The following STXBP5 variants were observed in gnomAD, a reference collection of about 807,000 sequenced individuals.
STXBP5 encodes the protein syntaxin-binding protein 5.
In STXBP5, 50 loss-of-function variants were observed where a neutral mutation model predicts 152.4. The ratio of observed to expected loss-of-function variants is 0.33; its 90% CI spans 0.26 to 0.42. The LOEUF (loss-of-function observed/expected upper bound fraction) is 0.42, where lower values mean the gene tolerates loss of function less well. Among genes scored for constraint, STXBP5 ranks in the 10% least tolerant of loss-of-function variants. STXBP5 has a pLI of 1.00. For missense variants in STXBP5, 1,167 were observed against 1,388.6 expected (o/e 0.84, Z 2.54); for synonymous variants, 492 against 494.7 (o/e 0.99, Z 0.07).
chr6:147,238,010 A>G (rs1161158608), intron 3 of STXBP5, among the ~76,000 whole-genome samples: 1 of 152,236 alleles, frequency 6.6e-6, no homozygotes, highest in Non-Finnish European at 1.5e-5. Context: ...TTTATTCACA[A>G]TTATCACATT....
intron 9 of STXBP5, among the ~76,000 whole-genome samples, chr6:147,295,441 A>G (rs1185342957): frequency 6.6e-6 from 1 of 152,190 alleles, no homozygotes; most frequent in Non-Finnish European, 1.5e-5. Context: ...GGTGTTAATC[A>G]CCATCCCCCC....
At chr6:147,323,389 A>G (rs1783038364) in intron 16 of STXBP5, among the ~76,000 whole-genome samples, 1 of 150,952 alleles carries the variant, frequency 6.6e-6, no homozygotes, top group Admixed American at 6.6e-5. Flanking sequence ...TTGGCCTTTA[A>G]TTCTTCTTTT....
Position 147,387,549 on chromosome 6 carries a change from T to C in STXBP5, c.*2794T>C, listed in dbSNP as rs1419708896. ...GCTGAGAAAGTTATTTGAAATCTTA[T>C]ATTCTGACAAATTCTGTACATTACA... On this transcript the variant is annotated 3_prime_UTR_variant, in exon 28 of 28. Coordinates refer to ENST00000321680, the MANE Select transcript of STXBP5 (RefSeq NM_001127715.4). 6.6e-6 allele frequency: 1 copy of C among 151,840 alleles called. No individual in the cohort carries two copies. The highest frequency in any genetic ancestry group is 1.5e-5 in the Non-Finnish European group (1 of 67,774). 9.4% of individuals were successfully genotyped at this position (151,840 alleles called of 1,614,324 possible).
chr6:147,358,563 G>A (rs774657491), intron 22 of STXBP5, among the ~76,000 whole-genome samples: 5 of 152,004 alleles, frequency 3.3e-5, no homozygotes, highest in Non-Finnish European at 5.9e-5. Context: ...AGGTGTTAAG[G>A]ACAGCAACTC....
intron 9 of STXBP5, among the ~76,000 whole-genome samples, chr6:147,309,407 G>A (rs1782255525): frequency 6.6e-6 from 1 of 152,020 alleles, no homozygotes; most frequent in Non-Finnish European, 1.5e-5. Flanking sequence ...GAAAAAATAA[G>A]CATATATTAA....
At chr6:147,323,888 A>T (rs149093430) in intron 16 of STXBP5, among the ~76,000 whole-genome samples, 12 of 152,242 alleles carry the variant, frequency 7.9e-5, no homozygotes, top group East Asian at 7.8e-4. Flanking sequence ...TTCTACCAAC[A>T]TCAAACCTTT....
intron 2 of STXBP5, among the ~76,000 whole-genome samples, chr6:147,213,463 T>C (rs1776978947): frequency 1.4e-5 from 2 of 141,856 alleles, no homozygotes; most frequent in Non-Finnish European, 3.1e-5. Context: ...TGTGTGTGTG[T>C]GTGTGTGTGT....
intron 9 of STXBP5, among the ~76,000 whole-genome samples, chr6:147,307,062 T>A (rs181232203): frequency 5.2e-4 from 79 of 152,296 alleles, no homozygotes; most frequent in African/African-American, 1.8e-3. Flanking sequence ...TGGATAGAAG[T>A]GGCACTTTTA....
chr6:147,234,455 T>C (rs1778169602), intron 2 of STXBP5, among the ~76,000 whole-genome samples: 1 of 151,956 alleles, frequency 6.6e-6, no homozygotes, highest in Non-Finnish European at 1.5e-5. Context: ...ATTTATATTC[T>C]ATTTTCGCTA....
At chr6:147,356,437 G>T (rs2128409871) in intron 22 of STXBP5, among the ~76,000 whole-genome samples, 1 of 151,618 alleles carries the variant, frequency 6.6e-6, no homozygotes, top group East Asian at 1.9e-4. Flanking sequence ...AAATAACTTT[G>T]GAAACCATAA....
chr6:147,258,654 C>T (rs1451874612), intron 4 of STXBP5, among the ~76,000 whole-genome samples: 4 of 152,096 alleles, frequency 2.6e-5, no homozygotes, highest in Non-Finnish European at 5.9e-5. Flanking sequence ...AGGATGGTCT[C>T]GATCTCCTGA....
chr6:147,211,080 A>G (rs979676220), intron 2 of STXBP5, among the ~76,000 whole-genome samples: 8 of 152,078 alleles, frequency 5.3e-5, no homozygotes, highest in Admixed American at 1.3e-4. Flanking sequence ...TGGGAGGCCA[A>G]GGCAGGCGGT....
intron 2 of STXBP5, among the ~76,000 whole-genome samples, chr6:147,216,683 T>G (rs1159595446): frequency 1.3e-5 from 2 of 152,154 alleles, no homozygotes; most frequent in African/African-American, 4.8e-5. Flanking sequence ...TGGAAGTATA[T>G]GTAAAAATAT....
At chr6:147,338,617 C>T (rs141001186) in intron 19 of STXBP5, among the ~76,000 whole-genome samples, 32 of 151,544 alleles carry the variant, frequency 2.1e-4, no homozygotes, top group African/African-American at 7.5e-4. Context: ...TATTTCTTAC[C>T]TCCATAAATT....
chr6:147,234,461 C>T (rs926330736), intron 2 of STXBP5, among the ~76,000 whole-genome samples: 2 of 151,612 alleles, frequency 1.3e-5, no homozygotes, highest in African/African-American at 2.4e-5. Context: ...ATTCTATTTT[C>T]GCTACTTCTA....
chr6:147,236,116 A>G (rs538113627), intron 3 of STXBP5, among the ~76,000 whole-genome samples: 1 of 152,322 alleles, frequency 6.6e-6, no homozygotes, highest in South Asian at 2.1e-4. Flanking sequence ...GGCTTTTGAT[A>G]AATGTTATAT....
chr6:147,337,454 G>C (rs772827075), intron 19 of STXBP5, among the ~76,000 whole-genome samples: 1 of 151,932 alleles, frequency 6.6e-6, no homozygotes, highest in Admixed American at 6.6e-5. Flanking sequence ...TGTCACAGAA[G>C]TTATAACAAT....
At chr6:147,264,483 A>G (rs912173414) in intron 6 of STXBP5, among the ~76,000 whole-genome samples, 11 of 152,138 alleles carry the variant, frequency 7.2e-5, no homozygotes, top group African/African-American at 2.7e-4. Flanking sequence ...ATACAGAGCT[A>G]GACTTTGGCG....
intron 16 of STXBP5, among the ~76,000 whole-genome samples, chr6:147,322,879 C>T (rs1175616282): frequency 6.6e-6 from 1 of 152,096 alleles, no homozygotes; most frequent in East Asian, 1.9e-4. Context: ...CTCTTTTAAA[C>T]CCCTCTTTAT....
Sources: gnomAD v4.1 joint callset for allele counts (sites outside exome capture counted in the v4.1 genomes callset) on GRCh38, gnomAD v4.1.1 for gene constraint, MANE v1.5 for transcripts, NCBI Gene and HGNC (gene_info 2026-07-23, HGNC 2026-07-21) for gene names.